LBH: variants seen among roughly 807,000 people sequenced by gnomAD.
The protein encoded by LBH is protein LBH.
A neutral mutation model predicts 12.5 loss-of-function variants in LBH; 7 were observed. The observed-to-expected ratio is 0.56, with a 90% CI of 0.32 to 1.05. LBH has a LOEUF of 1.05. Among genes scored for constraint, LBH ranks in the 50% least tolerant of loss-of-function variants. The pLI is 0.04. For synonymous variants in LBH, 51 were observed against 50.1 expected, an observed-to-expected ratio of 1.02 and a Z score of -0.08; for missense variants, 119 against 138.9, an observed-to-expected ratio of 0.86 and a Z score of 0.72.
intron 2 of LBH, among the ~76,000 whole-genome samples, chr2:30,244,113 T>C (rs1390410375): frequency 6.6e-6 from 1 of 152,190 alleles, no homozygotes; most frequent in Non-Finnish European, 1.5e-5. Context: ...AAGACATGTA[T>C]GTGGACATAA....
intron 2 of LBH, among the ~76,000 whole-genome samples, chr2:30,237,956 T>C (rs541573047): frequency 6.6e-6 from 1 of 152,236 alleles, no homozygotes; most frequent in Admixed American, 6.5e-5. Flanking sequence ...GATGTTGATG[T>C]CCCTGATGGC....
intron 1 of LBH, chr2:30,233,175 G>A (rs891104655): frequency 4.1e-4 from 62 of 152,314 alleles, no homozygotes; most frequent in African/African-American, 1.5e-3. Flanking sequence ...GAGAAATTAA[G>A]GTTTAAGTTT....
intron 2 of LBH, among the ~76,000 whole-genome samples, chr2:30,253,378 G>T (rs551379803): frequency 6.6e-6 from 1 of 152,268 alleles, no homozygotes; most frequent in East Asian, 1.9e-4. Context: ...TTTGTGTTTG[G>T]AGAGAGCTAC....
Position 30,246,796 on chromosome 2 carries a change from CCTCA to C in LBH, c.130-10629_130-10626del, listed in dbSNP as rs796857265. 1.8e-3 allele frequency among the ~76,000 whole-genome samples: 246 copies of C among 134,788 alleles called. 1 individual carries two copies. Among genetic ancestry groups the C allele is most frequent in the African/African-American group, 5.2e-3 (203 of 39,010 alleles). The allele number at this position is 134,788 out of a possible 152,430, so 88.4% of individuals were successfully genotyped here. On this transcript the variant is annotated intron_variant, in intron 2 of 2. Coordinates refer to ENST00000395323, the MANE Select transcript of LBH (RefSeq NM_030915.4). ...TTTCTTTCTTTCTTTTTCTTTCCTT[CCTCA>C]CTCACTCCCTCCCTCCCTCCCTCCC...
At chr2:30,241,460 C>CT (rs777223190) in intron 2 of LBH, among the ~76,000 whole-genome samples, 1,574 of 132,578 alleles carry the variant, frequency 0.012, 39 homozygotes, top group African/African-American at 0.034. Context: ...TTCTTTCTTT[C>CT]TTTTTTTTTT....
intron 2 of LBH, among the ~76,000 whole-genome samples, chr2:30,253,143 T>A (rs1678015413): frequency 6.6e-6 from 1 of 152,184 alleles, no homozygotes; most frequent in Admixed American, 6.5e-5. Flanking sequence ...CAAGTCCTTT[T>A]TTCCACTGCC....
chr2:30,256,208 TG>T (rs1678082214), intron 2 of LBH, among the ~76,000 whole-genome samples: 1 of 152,208 alleles, frequency 6.6e-6, no homozygotes, highest in Admixed American at 6.5e-5. Flanking sequence ...GATTTGGCCC[TG>T]ATTTTATAGC....
At chr2:30,248,718 GA>G (rs1156872499) in intron 2 of LBH, among the ~76,000 whole-genome samples, 1 of 152,172 alleles carries the variant, frequency 6.6e-6, no homozygotes, top group East Asian at 1.9e-4. Context: ...CTGCCCCGGA[GA>G]AAAAAGTTCT....
At chr2:30,244,204 G>A (rs1366829478) in intron 2 of LBH, among the ~76,000 whole-genome samples, 1 of 152,152 alleles carries the variant, frequency 6.6e-6, no homozygotes, top group Non-Finnish European at 1.5e-5. Context: ...AATCCTTTTA[G>A]GATCCTCTAA....
At chr2:30,242,779 T>C (rs1253769490) in intron 2 of LBH, among the ~76,000 whole-genome samples, 1 of 152,238 alleles carries the variant, frequency 6.6e-6, no homozygotes, top group Non-Finnish European at 1.5e-5. Context: ...AATTCTATTA[T>C]GTAACATTTC....
intron 2 of LBH, among the ~76,000 whole-genome samples, chr2:30,234,956 C>T (rs1331732200): frequency 2.0e-5 from 3 of 152,174 alleles, no homozygotes; most frequent in African/African-American, 7.2e-5. Context: ...TGGGGATAGC[C>T]ATGTCCAATG....
At chr2:30,251,413 A>G (rs944344610) in intron 2 of LBH, among the ~76,000 whole-genome samples, 1 of 152,296 alleles carries the variant, frequency 6.6e-6, no homozygotes, top group African/African-American at 2.4e-5. Flanking sequence ...TGACCTTTCA[A>G]GTGAATTCAT....
intron 2 of LBH, among the ~76,000 whole-genome samples, chr2:30,257,061 C>T (rs6732241): frequency 0.17 from 26,332 of 152,240 alleles, 2,608 homozygotes; most frequent in Admixed American, 0.27. Flanking sequence ...ATTCTTTGTA[C>T]TGCTGGAGTA....
At chr2:30,243,679 C>T (rs1203784146) in intron 2 of LBH, among the ~76,000 whole-genome samples, 1 of 151,984 alleles carries the variant, frequency 6.6e-6, no homozygotes, top group Non-Finnish European at 1.5e-5. Flanking sequence ...TACAGGCACC[C>T]ACTACATGCC....
intron 1 of LBH, chr2:30,232,027 G>C: frequency 7.8e-7 from 1 of 1,279,206 alleles, no homozygotes; most frequent in Non-Finnish European, 1.0e-6. Flanking sequence ...ATTGGTTGGC[G>C]GGGGAGCCAG....
intron 2 of LBH, among the ~76,000 whole-genome samples, chr2:30,256,167 G>T (rs764905051): frequency 2.8e-4 from 42 of 152,214 alleles, no homozygotes; most frequent in Non-Finnish European, 5.4e-4. Flanking sequence ...TAGTCACAGG[G>T]CAGTGTATGC....
chr2:30,237,930 G>A (rs1677716047), intron 2 of LBH, among the ~76,000 whole-genome samples: 1 of 152,170 alleles, frequency 6.6e-6, no homozygotes. Flanking sequence ...AGCTGAGTGG[G>A]GAGGGTCTCC....
chr2:30,246,256 C>T (rs1677867658), intron 2 of LBH, among the ~76,000 whole-genome samples: 1 of 152,196 alleles, frequency 6.6e-6, no homozygotes, highest in African/African-American at 2.4e-5. Flanking sequence ...CTGCACCTGG[C>T]CCATAGTCAT....
chr2:30,232,405 G>A, intron 1 of LBH: 1 of 760,040 alleles, frequency 1.3e-6, no homozygotes, highest in Non-Finnish European at 1.9e-6. Flanking sequence ...TGCTGAAGGG[G>A]AAGGAGCCCG....
Sources: allele counts gnomAD v4.1 joint callset (sites outside exome capture counted in the v4.1 genomes callset), GRCh38; gene constraint gnomAD v4.1.1; transcripts MANE v1.5; gene names NCBI Gene and HGNC (gene_info 2026-07-23, HGNC 2026-07-21).